MYPN: variants seen among roughly 807,000 people sequenced by gnomAD.
MYPN encodes myopalladin.
Under a neutral mutation model 129.4 loss-of-function variants are expected in MYPN, and 63 were observed. The observed-to-expected ratio is 0.49, with a 90% CI of 0.40 to 0.60. The LOEUF is 0.60. Ranked by LOEUF, MYPN falls within the 20% of genes least tolerant of loss-of-function variation. The pLI is 0.00. For missense variants in MYPN, 1,596 were observed against 1,635.4 expected, an observed-to-expected ratio of 0.98 and a Z score of 0.42; for synonymous variants, 629 against 600.9, an observed-to-expected ratio of 1.05 and a Z score of -0.68.
At chr10:68,088,396 A>G (rs1265108840) in intron 1 of MYPN, among the ~76,000 whole-genome samples, 2 of 152,212 alleles carry the variant, frequency 1.3e-5, no homozygotes, top group African/African-American at 4.8e-5. Flanking sequence ...TGCTTTTTTC[A>G]TGAATGAAGT....
intron 12 of MYPN, among the ~76,000 whole-genome samples, chr10:68,185,950 A>G (rs577467640): frequency 1.3e-5 from 2 of 152,366 alleles, no homozygotes; most frequent in African/African-American, 2.4e-5. Flanking sequence ...GCTGAATCAT[A>G]TGAAACTTCT....
At chr10:68,102,138 T>G (rs1457648754), upstream of MYPN, among the ~76,000 whole-genome samples, 3 of 149,170 alleles carry the variant, frequency 2.0e-5, no homozygotes, top group Non-Finnish European at 3.0e-5. Flanking sequence ...TTTTTTTTTT[T>G]TTTTTGAGAT....
In MYPN at chr10:68,168,970, C is replaced by T. The variant is rs1479978410; in HGVS notation, c.1973+2304C>T. ...TCGCGCCACTGCACTCCAGCGTGGG[C>T]GACAGAATGAGATTATTTCTTAAAA... is the stretch of plus-strand genomic sequence containing the variant. On this transcript the variant is annotated intron_variant, in intron 10 of 19. Transcript: ENST00000358913. Among the ~76,000 whole-genome samples, 5 of 117,400 alleles carry T rather than the reference C, an allele frequency of 4.3e-5. No individual in the cohort carries two copies. In the East Asian group the frequency reaches 7.5e-4, roughly 18 times the overall value. 77.0% of individuals were successfully genotyped at this position (117,400 alleles called of 152,430 possible).
At chr10:68,115,738 A>G (rs2042147729) in intron 1 of MYPN, among the ~76,000 whole-genome samples, 1 of 152,216 alleles carries the variant, frequency 6.6e-6, no homozygotes, top group Admixed American at 6.5e-5. Context: ...AGTCCTTTCC[A>G]TGGTCTGCAA....
chr10:68,148,604 T>C (rs763857854), intron 5 of MYPN, 137 bp downstream of exon 5: 36 of 769,296 alleles, frequency 4.7e-5, no homozygotes, highest in Non-Finnish European at 7.4e-5. Context: ...GTATTTCTGA[T>C]GTTTGAGAGC....
intron 2 of MYPN, among the ~76,000 whole-genome samples, chr10:68,139,544 T>G (rs186264707): frequency 1.2e-4 from 18 of 152,340 alleles, no homozygotes; most frequent in Admixed American, 1.2e-3. Flanking sequence ...GTGCTCCATA[T>G]GTCTTGTTTA....
At chr10:68,175,249 C>A in intron 11 of MYPN, 74 bp from the exon 12 acceptor site, 1 of 1,538,230 alleles carries the variant, frequency 6.5e-7, no homozygotes, top group Non-Finnish European at 9.0e-7. Context: ...TCATTTCAAC[C>A]ACTCTGATTT....
Position 68,122,103 on chromosome 10 carries a change from A to G in MYPN, c.665A>G (p.Asn222Ser). 6.2e-7 allele frequency: 1 copy of G among 1,614,228 alleles called. No individual in the cohort carries two copies. The highest frequency in any genetic ancestry group is 8.5e-7 in the Non-Finnish European group (1 of 1,180,042). The stretch of plus-strand genomic sequence containing the variant: ...CCTATCCCTGCGGATACCAGGGATA[A>G]TGAAGTGAATCACGCCCTGGAACAG... ...PIPIPADTRD[N>S]EVNHALEQQE... Residue 222 changes from asparagine (N) to serine (S), a missense_variant, in exon 2 of 20, where the codon AAT (asparagine) becomes AGT (serine). Coordinates refer to ENST00000358913, the MANE Select transcript of MYPN (RefSeq NM_032578.4).
At chr10:68,098,058 C>A (rs1414961552) in intron 1 of MYPN, among the ~76,000 whole-genome samples, 1 of 152,032 alleles carries the variant, frequency 6.6e-6, no homozygotes, top group Admixed American at 6.6e-5. Context: ...CTAGCCAGGG[C>A]AACATGGTGA....
rs1008513707 is a variant in MYPN at position 68,136,753 on chromosome 10, T to C, written c.903-6187T>C. On this transcript the variant is annotated intron_variant, in intron 2 of 19. Transcript: ENST00000358913. ...TTTGGTAAGGACGAGAAATGTTCTC[T>C]AAATAATTTAGATAATCCTATAATG... is the stretch of plus-strand genomic sequence containing the variant. 5.2e-6 allele frequency: 8 copies of C among 1,529,692 alleles called. No individual in the cohort carries two copies. The South Asian group carries it at 7.2e-5, about 14-fold the overall frequency. The allele number at this position is 1,529,692 out of a possible 1,614,324, so 94.8% of individuals were successfully genotyped here.
chr10:68,207,700 A>T (rs759942900), intron 19 of MYPN, among the ~76,000 whole-genome samples: 1 of 152,210 alleles, frequency 6.6e-6, no homozygotes, highest in Non-Finnish European at 1.5e-5. Flanking sequence ...GATGACACAT[A>T]GGCTCCCCTC....
chr10:68,180,577 T>C (rs377152851), intron 12 of MYPN, among the ~76,000 whole-genome samples: 24 of 152,232 alleles, frequency 1.6e-4, no homozygotes, highest in African/African-American at 4.6e-4. Context: ...TAACACACAG[T>C]GCTTTCTTTT....
At chr10:68,164,006 C>T (rs1330226839) in intron 8 of MYPN, among the ~76,000 whole-genome samples, 2 of 152,142 alleles carry the variant, frequency 1.3e-5, no homozygotes, top group African/African-American at 4.8e-5. Context: ...AACCAGCTTT[C>T]TTCAGAACAT....
intron 8 of MYPN, 94 bp from the exon 9 acceptor site, chr10:68,165,608 A>G: frequency 4.1e-6 from 4 of 974,046 alleles, no homozygotes. Context: ...AGCTTTTTAT[A>G]TTGACTTTGT....
chr10:68,107,733 C>A (rs1271181674), upstream of MYPN, among the ~76,000 whole-genome samples: 6 of 152,146 alleles, frequency 3.9e-5, no homozygotes, highest in African/African-American at 1.4e-4. Flanking sequence ...ACTGCCCAAC[C>A]AGCTTTATTC....
intron 1 of MYPN, among the ~76,000 whole-genome samples, chr10:68,118,704 C>T (rs1025309367): frequency 6.6e-6 from 1 of 151,798 alleles, no homozygotes; most frequent in Non-Finnish European, 1.5e-5. Flanking sequence ...TGTGGTGGTG[C>T]GTGGCTGTAG....
At chr10:68,116,112 C>T (rs1345387996) in intron 1 of MYPN, among the ~76,000 whole-genome samples, 1 of 152,090 alleles carries the variant, frequency 6.6e-6, no homozygotes, top group African/African-American at 2.4e-5. Context: ...CCACTGAATC[C>T]ACAGTGCCTA....
At chr10:68,167,453 A>T (rs1255140515) in intron 10 of MYPN, among the ~76,000 whole-genome samples, 4 of 152,200 alleles carry the variant, frequency 2.6e-5, no homozygotes, top group Non-Finnish European at 5.9e-5. Context: ...TCAACTCAGG[A>T]GCCTACTGTG....
intron 2 of MYPN, among the ~76,000 whole-genome samples, chr10:68,132,305 T>C (rs1409954898): frequency 6.6e-6 from 1 of 152,210 alleles, no homozygotes; most frequent in Non-Finnish European, 1.5e-5. Flanking sequence ...GATTTTATAA[T>C]GTTAAACCAA....
Sources: allele counts gnomAD v4.1 joint callset (sites outside exome capture counted in the v4.1 genomes callset), GRCh38; gene constraint gnomAD v4.1.1; transcripts MANE v1.5; gene names NCBI Gene and HGNC (gene_info 2026-07-23, HGNC 2026-07-21).